The following WWOX variants were observed in gnomAD, a reference collection of about 807,000 sequenced individuals.
WWOX encodes the protein WW domain-containing oxidoreductase.
WWOX carries 69 observed loss-of-function variants against 46.2 expected under a neutral mutation model. The observed-to-expected ratio is 1.49, with a 90% confidence interval of 1.23 to 1.82. The LOEUF (loss-of-function observed/expected upper bound fraction) is 1.82. WWOX is among the 40% of genes most tolerant of loss of function. The probability of loss-of-function intolerance (pLI) is 0.00; values close to 1 mark genes in which losing one functional copy is unlikely to be tolerated. For synonymous variants in WWOX, 359 were observed against 202.6 expected, an observed-to-expected ratio of 1.77 and a Z score of -6.56; for missense variants, 919 against 542.6, an observed-to-expected ratio of 1.69 and a Z score of -6.89.
intron 8 of WWOX, among the ~76,000 whole-genome samples, chr16:78,592,111 G>T (rs1479646763): frequency 6.6e-6 from 1 of 152,146 alleles, no homozygotes; most frequent in African/African-American, 2.4e-5. Flanking sequence ...TATCCATTTC[G>T]TATTACAATA....
At chr16:78,339,622 G>T (rs182905172) in intron 5 of WWOX, among the ~76,000 whole-genome samples, 1 of 120,086 alleles carries the variant, frequency 8.3e-6, no homozygotes, top group East Asian at 1.9e-4. Context: ...TAGAATATGT[G>T]TGTGTGTCTG....
chr16:78,911,947 A>G (rs1438644642), intron 8 of WWOX, among the ~76,000 whole-genome samples: 2 of 152,030 alleles, frequency 1.3e-5, no homozygotes, highest in East Asian at 3.9e-4. Flanking sequence ...GCTGCTTGTT[A>G]TAAAGGAAGA....
At chr16:78,256,399 C>A (rs930737080) in intron 5 of WWOX, among the ~76,000 whole-genome samples, 8 of 151,974 alleles carry the variant, frequency 5.3e-5, no homozygotes, top group African/African-American at 9.7e-5. Flanking sequence ...TACCTTCCAG[C>A]TTCTCTTGAG....
intron 8 of WWOX, among the ~76,000 whole-genome samples, chr16:79,070,007 T>C (rs2048518547): frequency 6.6e-6 from 1 of 152,228 alleles, no homozygotes; most frequent in African/African-American, 2.4e-5. Flanking sequence ...TTTTGAAACA[T>C]CTTCTGTGAA....
At chr16:79,169,270 A>G (rs979254326) in intron 8 of WWOX, among the ~76,000 whole-genome samples, 2 of 121,258 alleles carry the variant, frequency 1.6e-5, no homozygotes, top group African/African-American at 5.5e-5. Flanking sequence ...TAGCACATCA[A>G]ATGTCTGAGA....
At position 78,591,737 on chromosome 16, in the gene WWOX, G is replaced by C. The variant is rs2045356902; in HGVS notation, c.1056+158985G>C. 2.0e-5 allele frequency among the ~76,000 whole-genome samples: 3 copies of C among 152,340 alleles called. No individual in the cohort carries two copies. The South Asian group carries it at 6.2e-4, about 32-fold the overall frequency. ...AACTAAAGTACCTGATTGAGTAACTGCTCTCTGAAGGTGGAGGCTGGACTG... is the reference window on the plus strand; with the variant it reads ...AACTAAAGTACCTGATTGAGTAACTCCTCTCTGAAGGTGGAGGCTGGACTG... On this transcript the variant is annotated intron_variant, in intron 8 of 8. Coordinates refer to ENST00000566780, the MANE Select transcript of WWOX (RefSeq NM_016373.4).
intron 5 of WWOX, among the ~76,000 whole-genome samples, chr16:78,199,981 AT>A (rs2036182989): frequency 6.6e-6 from 1 of 152,242 alleles, no homozygotes; most frequent in African/African-American, 2.4e-5. Flanking sequence ...CACAAAGGTG[AT>A]CGCTTCAGTA....
At chr16:78,145,609 A>C (rs1486419503) in intron 4 of WWOX, among the ~76,000 whole-genome samples, 1 of 152,138 alleles carries the variant, frequency 6.6e-6, no homozygotes, top group African/African-American at 2.4e-5. Flanking sequence ...CCGCTGACTT[A>C]AATGTTAACC....
At chr16:78,536,535 C>G (rs900271540) in intron 8 of WWOX, among the ~76,000 whole-genome samples, 1 of 152,148 alleles carries the variant, frequency 6.6e-6, no homozygotes, top group Non-Finnish European at 1.5e-5. Flanking sequence ...TCTCTTGGTG[C>G]AACTTCGCAC....
intron 8 of WWOX, among the ~76,000 whole-genome samples, chr16:78,815,568 C>T (rs367559098): frequency 6.6e-6 from 1 of 152,152 alleles, no homozygotes; most frequent in African/African-American, 2.4e-5. Flanking sequence ...CCTCCTTGCC[C>T]AATGCGTAAG....
intron 8 of WWOX, among the ~76,000 whole-genome samples, chr16:78,964,516 G>C (rs887913808): frequency 2.0e-5 from 3 of 152,214 alleles, no homozygotes; most frequent in Middle Eastern, 3.2e-3. Flanking sequence ...AAACATTCAA[G>C]AGGTGACTTG....
intron 8 of WWOX, among the ~76,000 whole-genome samples, chr16:78,857,829 T>C (rs1020033916): frequency 6.6e-6 from 1 of 152,218 alleles, no homozygotes; most frequent in African/African-American, 2.4e-5. Flanking sequence ...TTTTTGGTTA[T>C]TTTGAAGAAC....
chr16:78,899,487 C>G (rs965734661), intron 8 of WWOX: 6 of 152,158 alleles, frequency 3.9e-5, no homozygotes, highest in African/African-American at 1.4e-4. Context: ...GACTGATACA[C>G]AGTGAGTTCT....
At chr16:78,801,870 G>A (rs559668581) in intron 8 of WWOX, among the ~76,000 whole-genome samples, 14 of 152,242 alleles carry the variant, frequency 9.2e-5, no homozygotes, top group Admixed American at 2.6e-4. Context: ...TGTTGAGTCC[G>A]ATTGTCCTGA....
chr16:78,139,781 T>C (rs548095041), intron 4 of WWOX, among the ~76,000 whole-genome samples: 3 of 152,114 alleles, frequency 2.0e-5, no homozygotes, highest in African/African-American at 4.8e-5. Context: ...TGGGATGTGA[T>C]TACAAAGAGA....
intron 8 of WWOX, among the ~76,000 whole-genome samples, chr16:78,442,084 C>A (rs909956214): frequency 4.9e-4 from 74 of 151,432 alleles, no homozygotes; most frequent in African/African-American, 1.6e-3. Context: ...CTGCAGTGAG[C>A]TATGATGGTG....
intron 8 of WWOX, among the ~76,000 whole-genome samples, chr16:78,878,049 C>T (rs1026775840): frequency 6.6e-6 from 1 of 152,150 alleles, no homozygotes; most frequent in Non-Finnish European, 1.5e-5. Flanking sequence ...GGAAGATCCC[C>T]TAAGACAAAG....
chr16:78,578,118 A>G (rs1192997860), intron 8 of WWOX, among the ~76,000 whole-genome samples: 1 of 151,486 alleles, frequency 6.6e-6, no homozygotes, highest in Non-Finnish European at 1.5e-5. Context: ...ATCTTAATAC[A>G]AGACACTATG....
chr16:79,101,674 A>G (rs1199295386), intron 8 of WWOX: 1 of 151,684 alleles, frequency 6.6e-6, no homozygotes, highest in African/African-American at 2.4e-5. Flanking sequence ...CAACAGACAG[A>G]AACTTTCCAA....
Sources: allele counts gnomAD v4.1 joint callset (sites outside exome capture counted in the v4.1 genomes callset), GRCh38; gene constraint gnomAD v4.1.1; transcripts MANE v1.5; gene names NCBI Gene and HGNC (gene_info 2026-07-23, HGNC 2026-07-21).